Variants in ADGRL3 observed in about 807,000 individuals in gnomAD.
ADGRL3 encodes calcium-independent alpha-latrotoxin receptor 3.
ADGRL3 carries 62 observed loss-of-function variants against 153.5 expected under a neutral mutation model. The ratio of observed to expected loss-of-function variants is 0.40; its 90% CI spans 0.33 to 0.50. The LOEUF (loss-of-function observed/expected upper bound fraction) is 0.50. Ranked by LOEUF, ADGRL3 falls within the 20% of genes least tolerant of loss-of-function variation. The pLI is 0.47. For synonymous variants in ADGRL3, 710 were observed against 672.5 expected, an observed-to-expected ratio of 1.06 and a Z score of -0.86; for missense variants, 1,641 against 1,859.4, an observed-to-expected ratio of 0.88 and a Z score of 2.16.
intron 21 of ADGRL3, among the ~76,000 whole-genome samples, chr4:62,006,104 G>A (rs1219502504): frequency 7.1e-6 from 1 of 141,604 alleles, no homozygotes; most frequent in African/African-American, 2.6e-5. Flanking sequence ...ACATGATCTC[G>A]GCTCACTGCA....
intron 8 of ADGRL3, among the ~76,000 whole-genome samples, chr4:61,776,127 C>G (rs1423988890): frequency 1.3e-5 from 2 of 152,164 alleles, no homozygotes; most frequent in East Asian, 1.9e-4. Flanking sequence ...ATCTCGATCT[C>G]CTGACCTTGT....
intron 6 of ADGRL3, among the ~76,000 whole-genome samples, chr4:61,694,582 G>A (rs2095606954): frequency 6.6e-6 from 1 of 152,070 alleles, no homozygotes; most frequent in Admixed American, 6.5e-5. Flanking sequence ...TAACCTTTTT[G>A]CTGGTGGAGG....
intron 17 of ADGRL3, among the ~76,000 whole-genome samples, chr4:61,970,200 A>G (rs2099021873): frequency 6.6e-6 from 1 of 152,144 alleles, no homozygotes; most frequent in South Asian, 2.1e-4. Context: ...GAAAATAAAT[A>G]AGCTCTTCTA....
At chr4:62,051,123 A>G (rs564686525) in intron 25 of ADGRL3, among the ~76,000 whole-genome samples, 2 of 144,988 alleles carry the variant, frequency 1.4e-5, no homozygotes, top group African/African-American at 2.6e-5. Context: ...ATATGTGTAT[A>G]TATATGTGTG....
intron 25 of ADGRL3, chr4:62,063,400 T>C: frequency 1.9e-6 from 1 of 534,982 alleles, no homozygotes. Flanking sequence ...TAATCAGGAC[T>C]GTATCAATTG....
chr4:62,037,906 T>A, intron 24 of ADGRL3, 50 bp downstream of exon 24: 1 of 1,604,448 alleles, frequency 6.2e-7, no homozygotes. Flanking sequence ...CTATACCAGT[T>A]ACTGTCCCTT....
intron 1 of ADGRL3, among the ~76,000 whole-genome samples, chr4:61,301,508 T>A (rs1397370153): frequency 2.0e-5 from 3 of 152,200 alleles, no homozygotes; most frequent in Admixed American, 6.5e-5. Context: ...TTCTCACGTT[T>A]CAAGCAAGCA....
chr4:61,220,037 G>A (rs1744701441), intron 1 of ADGRL3, among the ~76,000 whole-genome samples: 1 of 151,728 alleles, frequency 6.6e-6, no homozygotes, highest in South Asian at 2.1e-4. Flanking sequence ...GAACCTGGGG[G>A]GCGGAGGTTG....
Position 61,329,396 on chromosome 4 carries a change from T to A in ADGRL3, c.-239-53728T>A, listed in dbSNP as rs779702329. Among the ~76,000 whole-genome samples, 71 of 152,302 alleles carry A rather than the reference T, an allele frequency of 4.7e-4. 1 individual carries two copies. Among genetic ancestry groups the A allele is most frequent in the Non-Finnish European group, 8.1e-4 (55 of 68,014 alleles). On this transcript the variant is annotated intron_variant, in intron 1 of 26. Coordinates refer to ENST00000683033, the MANE Select transcript of ADGRL3 (RefSeq NM_001387552.1). ...TGCAGAGATCAAACCATCCTTTGTCTGAAATCAAAAGTCAGTCCTTTGATG... is the reference window on the plus strand; with the variant it reads ...TGCAGAGATCAAACCATCCTTTGTCAGAAATCAAAAGTCAGTCCTTTGATG...
chr4:61,436,630 C>G (rs930304530), intron 2 of ADGRL3, among the ~76,000 whole-genome samples: 13 of 152,120 alleles, frequency 8.5e-5, no homozygotes, highest in Non-Finnish European at 1.9e-4. Flanking sequence ...AGACCTAGCA[C>G]TGGAGGTTGC....
intron 17 of ADGRL3, among the ~76,000 whole-genome samples, chr4:61,975,038 A>G (rs753455894): frequency 2.0e-5 from 3 of 152,172 alleles, no homozygotes; most frequent in Non-Finnish European, 4.4e-5. Context: ...TATATTACAT[A>G]TTTCTCCAGG....
At chr4:61,921,873 C>T (rs1348425965) in intron 13 of ADGRL3, among the ~76,000 whole-genome samples, 1 of 152,148 alleles carries the variant, frequency 6.6e-6, no homozygotes, top group East Asian at 1.9e-4. Flanking sequence ...AATAGGGTAG[C>T]ATTCTGCCAT....
intron 8 of ADGRL3, among the ~76,000 whole-genome samples, chr4:61,773,805 G>A (rs983183712): frequency 6.6e-6 from 1 of 152,058 alleles, no homozygotes; most frequent in African/African-American, 2.4e-5. Context: ...TAACTCAACG[G>A]GGTGATTGGA....
chr4:62,010,631 G>A (rs2099181353), intron 21 of ADGRL3, among the ~76,000 whole-genome samples: 2 of 151,986 alleles, frequency 1.3e-5, no homozygotes, highest in Admixed American at 6.6e-5. Context: ...AAAAAATCAA[G>A]TCTAATATTC....
intron 6 of ADGRL3, among the ~76,000 whole-genome samples, chr4:61,703,484 G>T (rs1298556437): frequency 6.6e-6 from 1 of 151,982 alleles, no homozygotes; most frequent in Non-Finnish European, 1.5e-5. Context: ...TAAACATCCT[G>T]TGTTAGACAT....
At chr4:61,759,180 T>G (rs1004285959) in intron 8 of ADGRL3, among the ~76,000 whole-genome samples, 1 of 152,170 alleles carries the variant, frequency 6.6e-6, no homozygotes, top group African/African-American at 2.4e-5. Context: ...GAGTATCTTT[T>G]TGGTGTTCTC....
At chr4:62,067,127 C>A (rs557342929) in intron 25 of ADGRL3, among the ~76,000 whole-genome samples, 2 of 152,192 alleles carry the variant, frequency 1.3e-5, no homozygotes, top group East Asian at 3.9e-4. Context: ...ATTTCCTCTG[C>A]ATTTTGAAAT....
chr4:61,651,927 C>A (rs1332697852), intron 5 of ADGRL3, among the ~76,000 whole-genome samples: 2 of 151,650 alleles, frequency 1.3e-5, no homozygotes, highest in Non-Finnish European at 2.9e-5. Flanking sequence ...AAATAAATAA[C>A]TTTTAAAGGT....
Position 61,378,685 on chromosome 4 carries a change from A to G in ADGRL3, c.-239-4439A>G, listed in dbSNP as rs149519947. 5.7e-3 allele frequency among the ~76,000 whole-genome samples: 865 copies of G among 152,166 alleles called. 9 individuals are homozygous for G. Among genetic ancestry groups the G allele is most frequent in the Non-Finnish European group, 7.5e-3 (509 of 67,952 alleles). The stretch of plus-strand genomic sequence containing the variant: ...GTGGTGTCAAAAAGTGGTGTTTGTA[A>G]TACAAAAATTGTATTCATCCTTTAT... On this transcript the variant is annotated intron_variant, in intron 1 of 26. Transcript: ENST00000683033.
Sources: allele counts gnomAD v4.1 joint callset (sites outside exome capture counted in the v4.1 genomes callset), GRCh38; gene constraint gnomAD v4.1.1; transcripts MANE v1.5; gene names NCBI Gene and HGNC (gene_info 2026-07-23, HGNC 2026-07-21).